Variants in ARHGEF28 observed in about 807,000 individuals in gnomAD.
The protein encoded by ARHGEF28 is 190 kDa guanine nucleotide exchange factor.
In ARHGEF28, 152 loss-of-function variants were observed where a neutral mutation model predicts 206.6. The observed-to-expected ratio is 0.74, with a 90% CI of 0.64 to 0.84. The LOEUF (loss-of-function observed/expected upper bound fraction) is 0.84. ARHGEF28 is among the 40% of genes least tolerant of loss of function. The probability of loss-of-function intolerance (pLI) is 0.00; values close to 1 mark genes in which losing one functional copy is unlikely to be tolerated. For synonymous variants in ARHGEF28, 763 were observed against 776.4 expected, an observed-to-expected ratio of 0.98 and a Z score of 0.29; for missense variants, 2,028 against 2,073.2, an observed-to-expected ratio of 0.98 and a Z score of 0.42.
chr5:73,782,630 C>T (rs1561400298), intron 7 of ARHGEF28, among the ~76,000 whole-genome samples: 1 of 152,148 alleles, frequency 6.6e-6, no homozygotes, highest in Non-Finnish European at 1.5e-5. Context: ...CTATTCTCCC[C>T]TGTGGGTGAC....
chr5:73,926,454 C>T (rs1055080341), intron 35 of ARHGEF28, among the ~76,000 whole-genome samples: 9 of 152,184 alleles, frequency 5.9e-5, no homozygotes, highest in Admixed American at 2.6e-4. Context: ...TCTCCCAACA[C>T]TCCCATTCAA....
intron 2 of ARHGEF28, among the ~76,000 whole-genome samples, chr5:73,749,391 G>A (rs1751907424): frequency 6.6e-6 from 1 of 152,196 alleles, no homozygotes; most frequent in Admixed American, 6.5e-5. Flanking sequence ...AGACTGCTGG[G>A]TGTGGTGGCA....
Position 73,753,155 on chromosome 5 carries a change from T to G in ARHGEF28, c.428T>G (p.Leu143Arg). ...GAGCTCGTGCTGGCTCTGACCCATC[T>G]GGAATTGCCTCTAGAGTGGACTGTG... The part of the protein sequence containing the change: ...DEELVLALTH[L>R]ELPLEWTVLG... The change falls in exon 4 of 36, where the codon CTG (leucine) becomes CGG (arginine). Residue 143 changes from leucine to arginine, a missense_variant. Around this residue, in one of 3 missense-constraint regions of ARHGEF28, gnomAD observed 1,002 missense variants for 1,015.3 expected, o/e 0.99. Transcript: ENST00000513042. The G allele has an allele frequency of 1.9e-6, 3 of 1,551,366 alleles. No homozygotes were observed. The South Asian group carries it at 3.8e-5, about 20-fold the overall frequency.
intron 26 of ARHGEF28, among the ~76,000 whole-genome samples, chr5:73,888,967 C>G (rs1431000203): frequency 1.3e-5 from 2 of 152,174 alleles, no homozygotes; most frequent in African/African-American, 4.8e-5. Context: ...TAAATGACAG[C>G]TAAGCCCTTG....
chr5:73,667,855 A>G (rs1419569774), intron 1 of ARHGEF28, among the ~76,000 whole-genome samples: 1 of 152,182 alleles, frequency 6.6e-6, no homozygotes, highest in Non-Finnish European at 1.5e-5. Context: ...GTTCATTGCT[A>G]TTAAATTCTG....
At chr5:73,915,619 T>TA (rs2111943089) in intron 35 of ARHGEF28, among the ~76,000 whole-genome samples, 1 of 152,316 alleles carries the variant, frequency 6.6e-6, no homozygotes, top group African/African-American at 2.4e-5. Context: ...TCAACAGCAT[T>TA]ACTCTGAAAG....
At chr5:73,833,925 C>CT (rs1363324133) in intron 10 of ARHGEF28, among the ~76,000 whole-genome samples, 1 of 152,098 alleles carries the variant, frequency 6.6e-6, no homozygotes, top group Non-Finnish European at 1.5e-5. Flanking sequence ...TGGTCCTGCC[C>CT]TTGACACATG....
Position 73,941,086 on chromosome 5 carries a change from T to C in ARHGEF28, c.*73T>C. ...AGAAACTTTTTGTCTCCATTCCTTA[T>C]GTATGTGTGATTGTCTGTGTCCAAA... On this transcript the variant is annotated 3_prime_UTR_variant, in exon 36 of 36. Transcript: ENST00000513042. 7.5e-7 allele frequency: 1 copy of C among 1,337,730 alleles called. No homozygotes were observed. Among genetic ancestry groups the C allele is most frequent in the Non-Finnish European group, 9.7e-7 (1 of 1,030,658 alleles). 82.9% of individuals were successfully genotyped at this position (1,337,730 alleles called of 1,614,324 possible).
chr5:73,760,233 G>A (rs1361760529), intron 4 of ARHGEF28, among the ~76,000 whole-genome samples: 1 of 151,802 alleles, frequency 6.6e-6, no homozygotes, highest in African/African-American at 2.4e-5. Flanking sequence ...AACATTAGCT[G>A]AAACACCAGT....
At chr5:73,768,040 C>T (rs1753001378) in intron 4 of ARHGEF28, among the ~76,000 whole-genome samples, 1 of 152,188 alleles carries the variant, frequency 6.6e-6, no homozygotes, top group Admixed American at 6.5e-5. Context: ...GCAGCCTCCA[C>T]ATGGTGTTGA....
intron 26 of ARHGEF28, 63 bp downstream of exon 26, chr5:73,887,742 T>C (rs1369754062): frequency 3.0e-6 from 4 of 1,331,774 alleles, no homozygotes; most frequent in African/African-American, 3.0e-5. Context: ...TCTTGAAAAA[T>C]ACCTAAAATT....
chr5:73,938,055 C>G (rs1271439880), intron 35 of ARHGEF28, among the ~76,000 whole-genome samples: 1 of 152,060 alleles, frequency 6.6e-6, no homozygotes, highest in Non-Finnish European at 1.5e-5. Flanking sequence ...GGAATTACAA[C>G]ATGGGCTGTT....
chr5:73,778,490 A>T (rs1753659280), intron 6 of ARHGEF28, among the ~76,000 whole-genome samples: 2 of 152,154 alleles, frequency 1.3e-5, no homozygotes, highest in East Asian at 1.9e-4. Flanking sequence ...TGAGATTTTC[A>T]TCTTATGAAA....
chr5:73,841,676 A>T (rs1303747146), intron 11 of ARHGEF28, among the ~76,000 whole-genome samples: 1 of 151,136 alleles, frequency 6.6e-6, no homozygotes, highest in Admixed American at 6.6e-5. Context: ...CTGAACTCCA[A>T]CCTGGGTGAC....
chr5:73,930,675 C>G (rs1490163741), intron 35 of ARHGEF28, among the ~76,000 whole-genome samples: 1 of 152,238 alleles, frequency 6.6e-6, no homozygotes, highest in East Asian at 1.9e-4. Context: ...TTCCATCCTA[C>G]TGAGACTAAC....
At chr5:73,721,446 C>T (rs563852508) in intron 2 of ARHGEF28, among the ~76,000 whole-genome samples, 1 of 152,326 alleles carries the variant, frequency 6.6e-6, no homozygotes, top group South Asian at 2.1e-4. Flanking sequence ...TCTGAAACCT[C>T]TATAGTGCCT....
In ARHGEF28 at chr5:73,626,552, C is replaced by A. The variant is rs62360972; in HGVS notation, c.-12+230C>A. ...GTGGAGAGGGCGGCGCAGCCTCGTG[C>A]GGCGGCGGCAGCTGCGGAGCGCGGG... On this transcript the variant is annotated intron_variant, in intron 1 of 35. Coordinates refer to ENST00000513042, the MANE Select transcript of ARHGEF28 (RefSeq NM_001177693.2). Among the ~76,000 whole-genome samples the A allele has an allele frequency of 0.39, 59,312 of 151,386 alleles. 12,837 individuals are homozygous for A. Among genetic ancestry groups the A allele is most frequent in the East Asian group, 0.64 (3,229 of 5,032 alleles).
In ARHGEF28 at chr5:73,941,925, A is replaced by AGAT. The variant is rs1333084496; in HGVS notation, c.*913_*915dup. The AGAT allele has an allele frequency of 1.3e-5, 2 of 152,146 alleles. No homozygotes were observed. The highest frequency in any genetic ancestry group is 4.8e-5 in the African/African-American group (2 of 41,428). 9.4% of individuals were successfully genotyped at this position (152,146 alleles called of 1,614,324 possible). A position where few individuals can be genotyped will look rare whatever the true frequency, so the allele number is the denominator to read the frequency against. ...ATGGGTCTCTGTGTGAGAAACCAGG[A>AGAT]GATATTTTCATCTTGTTCGGAAATA... is the stretch of plus-strand genomic sequence containing the variant. On this transcript the variant is annotated 3_prime_UTR_variant, in exon 36 of 36. Coordinates refer to ENST00000513042, the MANE Select transcript of ARHGEF28 (RefSeq NM_001177693.2).
rs930680690 is a variant in ARHGEF28, at chr5:73,941,114, G to T, written c.*101G>T. On this transcript the variant is annotated 3_prime_UTR_variant, in exon 36 of 36. Coordinates refer to ENST00000513042, the MANE Select transcript of ARHGEF28 (RefSeq NM_001177693.2). Reference sequence around the variant, plus strand: ...ATGTGTGATTGTCTGTGTCCAAATTGCTTTAAGAATAATATTTAATATTTC... The same window carrying T: ...ATGTGTGATTGTCTGTGTCCAAATTTCTTTAAGAATAATATTTAATATTTC... 3 of 1,157,154 alleles carry T rather than the reference G, an allele frequency of 2.6e-6. No individual in the cohort carries two copies. Among genetic ancestry groups the T allele is most frequent in the Non-Finnish European group, 3.3e-6 (3 of 898,208 alleles). 71.7% of individuals were successfully genotyped at this position (1,157,154 alleles called of 1,614,324 possible). A position where few individuals can be genotyped will look rare whatever the true frequency, so the allele number is the denominator to read the frequency against.
Sources: gnomAD v4.1 joint callset for allele counts (sites outside exome capture counted in the v4.1 genomes callset) on GRCh38, gnomAD v4.1.1 for gene constraint, gnomAD v4.1.1 regional missense constraint, MANE v1.5 for transcripts, NCBI Gene and HGNC (gene_info 2026-07-23, HGNC 2026-07-21) for gene names.